ZNF385B: variants seen among roughly 807,000 people sequenced by gnomAD.
The protein encoded by ZNF385B is zinc finger protein 533.
A neutral mutation model predicts 39.2 loss-of-function variants in ZNF385B; 23 were observed. The observed-to-expected ratio is 0.59, with a 90% confidence interval of 0.42 to 0.83. The LOEUF is 0.83. ZNF385B is among the 40% of genes least tolerant of loss of function. The probability of loss-of-function intolerance (pLI) is 0.00; values close to 1 mark genes in which losing one functional copy is unlikely to be tolerated. For synonymous variants in ZNF385B, 205 were observed against 222.6 expected (o/e 0.92, Z 0.70); for missense variants, 552 against 598.9 (o/e 0.92, Z 0.82).
chr2:179,568,298 C>T (rs1684820973), intron 3 of ZNF385B, among the ~76,000 whole-genome samples: 1 of 152,178 alleles, frequency 6.6e-6, no homozygotes, highest in African/African-American at 2.4e-5. Context: ...GGTTTATTTA[C>T]TTCATGGCAC....
intron 3 of ZNF385B, among the ~76,000 whole-genome samples, chr2:179,561,442 T>G (rs769305049): frequency 6.6e-6 from 1 of 152,162 alleles, no homozygotes; most frequent in Non-Finnish European, 1.5e-5. Flanking sequence ...GAACCCTCAG[T>G]GTTTACACCT....
At chr2:179,802,528 C>T (rs1706097088) in intron 1 of ZNF385B, 1 of 152,030 alleles carries the variant, frequency 6.6e-6, no homozygotes, top group Non-Finnish European at 1.5e-5. Context: ...ATCATGAAAC[C>T]AACCTTAAAA....
chr2:179,859,995 A>G (rs1409826264), intron 1 of ZNF385B, among the ~76,000 whole-genome samples: 1 of 152,206 alleles, frequency 6.6e-6, no homozygotes, highest in Non-Finnish European at 1.5e-5. Flanking sequence ...AATTAGATAA[A>G]TGCATTTCCT....
At chr2:179,629,530 T>C (rs1045321049) in intron 3 of ZNF385B, among the ~76,000 whole-genome samples, 3 of 152,180 alleles carry the variant, frequency 2.0e-5, no homozygotes, top group African/African-American at 4.8e-5. Flanking sequence ...TACCCTCTTT[T>C]AGAAAATTAA....
chr2:179,810,434 A>AT (rs970530715), intron 1 of ZNF385B, among the ~76,000 whole-genome samples: 1 of 151,888 alleles, frequency 6.6e-6, no homozygotes, highest in Non-Finnish European at 1.5e-5. Context: ...TATATTCTTT[A>AT]TTTTTTTAGT....
Position 179,508,087 on chromosome 2 carries a change from A to ATT in ZNF385B, c.552+10439_552+10440dup, listed in dbSNP as rs11460717. Among the ~76,000 whole-genome samples the ATT allele has an allele frequency of 3.1e-3, 474 of 151,806 alleles. 3 individuals carry two copies. The highest frequency in any genetic ancestry group is 5.2e-3 in the Admixed American group (80 of 15,240). ...TACTTGAAAGCAGTGTAGTAAACTT[A>ATT]TTTTTTTTGTTCCATTCAGCTTCAC... On this transcript the variant is annotated intron_variant, in intron 5 of 9. Coordinates refer to ENST00000410066, the MANE Select transcript of ZNF385B (RefSeq NM_152520.6).
chr2:179,452,762 A>ACTCATGATTCTATCATCTAG (rs1207208652), intron 6 of ZNF385B, among the ~76,000 whole-genome samples: 1 of 152,178 alleles, frequency 6.6e-6, no homozygotes, highest in Admixed American at 6.6e-5. Context: ...TATTAAAATT[A>ACTCATGATTCTATCATCTAG]CTCATGATTC....
chr2:179,507,723 G>C (rs1210227181), intron 5 of ZNF385B, among the ~76,000 whole-genome samples: 1 of 152,140 alleles, frequency 6.6e-6, no homozygotes, highest in Admixed American at 6.5e-5. Context: ...CCCTGTTCAA[G>C]TTCACTGCTT....
chr2:179,531,583 C>T (rs566202027), intron 4 of ZNF385B, among the ~76,000 whole-genome samples: 7 of 151,978 alleles, frequency 4.6e-5, no homozygotes, highest in Admixed American at 1.3e-4. Flanking sequence ...TGCAGTGAGC[C>T]GAGATCATGC....
At chr2:179,727,247 T>C (rs1030062649) in intron 3 of ZNF385B, among the ~76,000 whole-genome samples, 1 of 152,104 alleles carries the variant, frequency 6.6e-6, no homozygotes, top group South Asian at 2.1e-4. Context: ...TTAAAATAAA[T>C]CCTCATTTCA....
chr2:179,755,149 T>G (rs1702931337), intron 3 of ZNF385B, among the ~76,000 whole-genome samples: 1 of 152,220 alleles, frequency 6.6e-6, no homozygotes, highest in Admixed American at 6.5e-5. Flanking sequence ...TCTCATTGGT[T>G]TCAAAGAACA....
chr2:179,537,775 AAATT>A (rs2059679812), intron 4 of ZNF385B, among the ~76,000 whole-genome samples: 1 of 151,998 alleles, frequency 6.6e-6, no homozygotes, highest in Non-Finnish European at 1.5e-5. Flanking sequence ...ACAAAAAAAA[AAATT>A]AATAGAAATG....
chr2:179,676,387 C>G (rs749069479), intron 3 of ZNF385B, among the ~76,000 whole-genome samples: 1 of 148,152 alleles, frequency 6.7e-6, no homozygotes, highest in Non-Finnish European at 1.5e-5. Flanking sequence ...CACGCCCAGC[C>G]TAATTTTTTT....
At position 179,492,785 on chromosome 2, in the gene ZNF385B, A is replaced by G. The variant is rs553122921; in HGVS notation, c.553-9351T>C. Among the ~76,000 whole-genome samples the G allele has an allele frequency of 7.1e-4, 108 of 152,312 alleles. 2 individuals carry two copies. The highest frequency in any genetic ancestry group is 1.4e-3 in the Admixed American group (22 of 15,298). On this transcript the variant is annotated intron_variant, in intron 5 of 9. Transcript: ENST00000410066. ...CTTATAATTCAAAATTAAGTGGAAT[A>G]TGTAAATGTGAAGACTAATAACAGA...
intron 3 of ZNF385B, among the ~76,000 whole-genome samples, chr2:179,728,055 A>G (rs1462556329): frequency 6.6e-6 from 1 of 152,134 alleles, no homozygotes; most frequent in Non-Finnish European, 1.5e-5. Flanking sequence ...GCTCATTCCC[A>G]TTCCCAGAGA....
rs1265221868 is a variant in ZNF385B, at chr2:179,522,496, T to A, written c.442-3858A>T. On this transcript the variant is annotated intron_variant, in intron 4 of 9. Coordinates refer to ENST00000410066, the MANE Select transcript of ZNF385B (RefSeq NM_152520.6). ...ATCATAAATCTTAAAATGTGATAAA[T>A]GCAAGTAACTCATTTTAGTACAGTC... Among the ~76,000 whole-genome samples the A allele has an allele frequency of 1.7e-4, 25 of 145,358 alleles. No individual in the cohort carries two copies. In the Admixed American group the frequency reaches 1.8e-3, roughly 10 times the overall value.
intron 3 of ZNF385B, among the ~76,000 whole-genome samples, chr2:179,707,120 AG>A (rs1438801289): frequency 6.6e-6 from 1 of 152,226 alleles, no homozygotes; most frequent in Non-Finnish European, 1.5e-5. Context: ...CTGCACTTAC[AG>A]GGGGTAACCC....
chr2:179,597,651 C>T (rs932190145), intron 3 of ZNF385B, among the ~76,000 whole-genome samples: 8 of 152,188 alleles, frequency 5.3e-5, no homozygotes, highest in African/African-American at 1.7e-4. Context: ...ATTCATGGGT[C>T]CTATTGATAC....
chr2:179,765,044 G>A (rs1559174018), intron 3 of ZNF385B, among the ~76,000 whole-genome samples: 1 of 151,452 alleles, frequency 6.6e-6, no homozygotes, highest in East Asian at 1.9e-4. Context: ...AACACCATTG[G>A]CTGTCCTGGG....
Sources: allele counts gnomAD v4.1 joint callset (sites outside exome capture counted in the v4.1 genomes callset), GRCh38; gene constraint gnomAD v4.1.1; transcripts MANE v1.5; gene names NCBI Gene and HGNC (gene_info 2026-07-23, HGNC 2026-07-21).